Variants in GALNT18 observed in about 807,000 individuals in gnomAD.
GALNT18 encodes the protein GalNAc-transferase 18.
A neutral mutation model predicts 69.5 loss-of-function variants in GALNT18; 44 were observed. That is an observed-to-expected ratio of 0.63 (90% confidence interval 0.50 to 0.81). The LOEUF is 0.81. GALNT18 is among the 40% of genes least tolerant of loss of function. The pLI, the probability that GALNT18 is intolerant of heterozygous loss-of-function variation, is 0.00. For missense variants in GALNT18, 715 were observed against 810.0 expected, an observed-to-expected ratio of 0.88 and a Z score of 1.42; for synonymous variants, 364 against 318.2, an observed-to-expected ratio of 1.14 and a Z score of -1.53.
chr11:11,498,144 C>T (rs10831623), intron 1 of GALNT18, among the ~76,000 whole-genome samples: 38,684 of 152,010 alleles, frequency 0.25, 5,103 homozygotes, highest in Middle Eastern at 0.29. Flanking sequence ...TTATCAGCTG[C>T]CCTGCCTACA....
intron 1 of GALNT18, among the ~76,000 whole-genome samples, chr11:11,567,509 G>A (rs1240802469): frequency 6.6e-6 from 1 of 152,136 alleles, no homozygotes; most frequent in Non-Finnish European, 1.5e-5. Context: ...GAGGGTAGTA[G>A]GAATGACCAT....
intron 1 of GALNT18, among the ~76,000 whole-genome samples, chr11:11,519,733 C>G (rs1012357269): frequency 6.6e-6 from 1 of 152,222 alleles, no homozygotes; most frequent in Non-Finnish European, 1.5e-5. Context: ...CCATCTCGCC[C>G]TGACTGCAGG....
At chr11:11,354,660 T>C (rs956491468) in intron 6 of GALNT18, among the ~76,000 whole-genome samples, 1 of 152,206 alleles carries the variant, frequency 6.6e-6, no homozygotes, top group Non-Finnish European at 1.5e-5. Flanking sequence ...AATATTCCAC[T>C]GATGATAAGA....
intron 1 of GALNT18, among the ~76,000 whole-genome samples, chr11:11,477,286 T>C (rs913892586): frequency 6.6e-6 from 1 of 152,216 alleles, no homozygotes; most frequent in African/African-American, 2.4e-5. Context: ...TAAGCCACTA[T>C]GAGGGACCAA....
chr11:11,397,081 G>A (rs1029188021), intron 3 of GALNT18, among the ~76,000 whole-genome samples: 2 of 152,024 alleles, frequency 1.3e-5, no homozygotes, highest in Non-Finnish European at 2.9e-5. Context: ...TGCCTTTTTC[G>A]GGGTATTTAG....
At chr11:11,343,241 G>A (rs1236099122) in intron 6 of GALNT18, among the ~76,000 whole-genome samples, 5 of 152,094 alleles carry the variant, frequency 3.3e-5, no homozygotes, top group Non-Finnish European at 7.4e-5. Context: ...CCAGCAACTT[G>A]GAGGGTTGAG....
intron 7 of GALNT18, among the ~76,000 whole-genome samples, chr11:11,333,429 C>A (rs576851870): frequency 6.6e-6 from 1 of 152,150 alleles, no homozygotes; most frequent in East Asian, 1.9e-4. Flanking sequence ...TCCTCCTTTA[C>A]GGATGATGAG....
chr11:11,372,946 C>T lies in GALNT18; in HGVS notation c.978-317G>A, dbSNP rs1020222370. ...TTGACTGTATCTCCCGCTGCCCTGA[C>T]CCTGACCTCTGCACAGCCAGTCTCT... On this transcript the variant is annotated intron_variant, in intron 5 of 10. Transcript: ENST00000227756. The surrounding 1 kb of genome is among the most constrained non-coding windows in gnomAD (Gnocchi z 4.9). Among the ~76,000 whole-genome samples the T allele has an allele frequency of 6.6e-6, 1 of 152,076 alleles. No individual in the cohort carries two copies. Among genetic ancestry groups the T allele is most frequent in the African/African-American group, 2.4e-5 (1 of 41,384 alleles).
chr11:11,361,322 A>T (rs1442652275), intron 6 of GALNT18, among the ~76,000 whole-genome samples: 1 of 152,194 alleles, frequency 6.6e-6, no homozygotes, highest in Non-Finnish European at 1.5e-5. Flanking sequence ...CCAGTCATGT[A>T]ACCTTGAGCA....
intron 1 of GALNT18, among the ~76,000 whole-genome samples, chr11:11,576,420 G>A (rs1283655959): frequency 6.6e-6 from 1 of 152,236 alleles, no homozygotes; most frequent in African/African-American, 2.4e-5. Flanking sequence ...GTTTAACCAG[G>A]TGCAGATATA....
At chr11:11,526,291 C>A (rs2133935626) in intron 1 of GALNT18, among the ~76,000 whole-genome samples, 1 of 152,278 alleles carries the variant, frequency 6.6e-6, no homozygotes, top group East Asian at 1.9e-4. Flanking sequence ...TCAAACATTT[C>A]TGTGAGTGAC....
In GALNT18 at chr11:11,320,049, C is replaced by T. The variant is rs914961936; in HGVS notation, c.1512+7037G>A. Reference sequence around the variant, plus strand: ...AAGCCAAGGGACCACCAACCACCAGCCAATTTCATTACAGGCAATAAAATT... The same window carrying T: ...AAGCCAAGGGACCACCAACCACCAGTCAATTTCATTACAGGCAATAAAATT... On this transcript the variant is annotated intron_variant, in intron 9 of 10. Coordinates refer to ENST00000227756, the MANE Select transcript of GALNT18 (RefSeq NM_198516.3). The surrounding 1 kb of genome is among the most constrained non-coding windows in gnomAD (Gnocchi z 4.9). Among the ~76,000 whole-genome samples the T allele has an allele frequency of 2.0e-5, 3 of 152,160 alleles. No homozygotes were observed. Among genetic ancestry groups the T allele is most frequent in the African/African-American group, 7.2e-5 (3 of 41,432 alleles).
intron 10 of GALNT18, among the ~76,000 whole-genome samples, chr11:11,273,613 C>T (rs910444079): frequency 2.6e-5 from 4 of 152,138 alleles, no homozygotes; most frequent in Non-Finnish European, 5.9e-5. Context: ...ATTATTACAG[C>T]TACTATGGAG....
At chr11:11,400,874 C>T (rs559101221) in intron 3 of GALNT18, among the ~76,000 whole-genome samples, 16 of 151,904 alleles carry the variant, frequency 1.1e-4, no homozygotes, top group Non-Finnish European at 2.1e-4. Context: ...CTATTGGGAC[C>T]GTGCCATGAG....
chr11:11,594,140 T>C (rs1449080561), intron 1 of GALNT18, among the ~76,000 whole-genome samples: 3 of 152,204 alleles, frequency 2.0e-5, no homozygotes, highest in Non-Finnish European at 4.4e-5. Context: ...TAGAAGAATG[T>C]CAGGTCCAGG....
Position 11,620,733 on chromosome 11 carries a change from G to A in GALNT18, c.235+626C>T, listed in dbSNP as rs1291461006. Among the ~76,000 whole-genome samples, 1 of 152,160 alleles carries A rather than the reference G, an allele frequency of 6.6e-6. No homozygotes were observed. The highest frequency in any genetic ancestry group is 1.5e-5 in the Non-Finnish European group (1 of 68,024). ...GGAGAGGGTCCTGGACCCGCGGGCT[G>A]TGGTGGGGGTAGGGACTGCTATAGG... On this transcript the variant is annotated intron_variant, in intron 1 of 10. Coordinates refer to ENST00000227756, the MANE Select transcript of GALNT18 (RefSeq NM_198516.3). This position sits in a 1 kb window ranked among gnomAD's most constrained non-coding sequence, Gnocchi z 6.9.
chr11:11,497,346 A>ACACACACACT lies in GALNT18; in HGVS notation c.236-48411_236-48410insAGTGTGTGTG, dbSNP rs1856885703. ...GTCTCCAACACACACACACACACACACACACACACACACACACACACACAC... is the reference window on the plus strand; with the variant it reads ...GTCTCCAACACACACACACACACACACACACACACTCACACACACACACACACACACACAC... On this transcript the variant is annotated intron_variant, in intron 1 of 10. Coordinates refer to ENST00000227756, the MANE Select transcript of GALNT18 (RefSeq NM_198516.3). The surrounding 1 kb of genome is among the most constrained non-coding windows in gnomAD (Gnocchi z 4.2). Among the ~76,000 whole-genome samples the ACACACACACT allele has an allele frequency of 6.6e-6, 1 of 150,682 alleles. No individual in the cohort carries two copies. The highest frequency in any genetic ancestry group is 1.5e-5 in the Non-Finnish European group (1 of 67,554).
At chr11:11,467,493 G>T (rs539278621) in intron 1 of GALNT18, among the ~76,000 whole-genome samples, 1 of 152,304 alleles carries the variant, frequency 6.6e-6, no homozygotes, top group African/African-American at 2.4e-5. Context: ...CCAGATGCAG[G>T]CATTTAAAGG....
intron 1 of GALNT18, among the ~76,000 whole-genome samples, chr11:11,534,131 C>T (rs1809285525): frequency 6.6e-6 from 1 of 152,246 alleles, no homozygotes; most frequent in Admixed American, 6.5e-5. Context: ...GAAGCCAAGA[C>T]TTGAACTAGG....
Sources: gnomAD v4.1 joint callset for allele counts (sites outside exome capture counted in the v4.1 genomes callset) on GRCh38, gnomAD v4.1.1 for gene constraint, Gnocchi (gnomAD v3.1) non-coding constraint, MANE v1.5 for transcripts, NCBI Gene and HGNC (gene_info 2026-07-23, HGNC 2026-07-21) for gene names.